KLRG1: variants seen among roughly 807,000 people sequenced by gnomAD.
The protein encoded by KLRG1 is killer cell lectin like receptor G1.
KLRG1 carries 16 observed loss-of-function variants against 21.8 expected under a neutral mutation model. The observed-to-expected ratio is 0.73, with a 90% CI of 0.50 to 1.11. The LOEUF is 1.11. Ranked by LOEUF, KLRG1 falls within the 50% of genes most tolerant of loss-of-function variation. The pLI, the probability that KLRG1 is intolerant of heterozygous loss-of-function variation, is 0.00. For synonymous variants in KLRG1, 69 were observed against 75.9 expected (o/e 0.91, Z 0.47); for missense variants, 173 against 218.3 (o/e 0.79, Z 1.31).
In KLRG1 at chr12:9,004,292, A is replaced by G. The variant is rs564902102; in HGVS notation, c.358-4683A>G. On this transcript the variant is annotated intron_variant, in intron 3 of 4. Coordinates refer to ENST00000356986, the MANE Select transcript of KLRG1 (RefSeq NM_005810.4). The stretch of plus-strand genomic sequence containing the variant: ...AGGAATGGCCACACTGACTTCCACA[A>G]TGGTTGAACTAGTTTACAGTCCCAC... Among the ~76,000 whole-genome samples the G allele has an allele frequency of 3.2e-3, 491 of 152,260 alleles. 2 individuals are homozygous for G. Among genetic ancestry groups the G allele is most frequent in the Non-Finnish European group, 5.2e-3 (353 of 67,992 alleles).
the KLRG1 span, chr12:9,074,531 G>A: frequency 1.9e-6 from 3 of 1,565,510 alleles, no homozygotes; most frequent in Non-Finnish European, 2.6e-6. Context: ...ACCTGAAGGT[G>A]AAATAAAAGG....
the KLRG1 span, chr12:9,098,648 C>T: frequency 4.3e-6 from 7 of 1,609,422 alleles, no homozygotes; most frequent in African/African-American, 5.3e-5. Flanking sequence ...ATGAGCAGCA[C>T]GCTTTGGTCC....
chr12:9,000,395 A>T (rs1947269820), intron 3 of KLRG1, among the ~76,000 whole-genome samples: 1 of 152,200 alleles, frequency 6.6e-6, no homozygotes, highest in Non-Finnish European at 1.5e-5. Context: ...TTTTTAACTT[A>T]AAAAATTGTG....
the KLRG1 span, chr12:9,077,495 T>C: frequency 6.7e-7 from 1 of 1,497,140 alleles, no homozygotes; most frequent in Non-Finnish European, 9.2e-7. Context: ...TATTCTGCTG[T>C]GTCATGGAAT....
At chr12:8,995,312 G>C in intron 3 of KLRG1, 24 bp downstream of exon 3, 1 of 1,587,256 alleles carries the variant, frequency 6.3e-7, no homozygotes, top group African/African-American at 1.4e-5. Flanking sequence ...TTTAGAAAAT[G>C]TAGGGTTTTT....
At chr12:9,169,428 A>C in the KLRG1 span, 8 of 1,588,436 alleles carry the variant, frequency 5.0e-6, no homozygotes, top group Non-Finnish European at 6.8e-6. Flanking sequence ...TGAGAATTTT[A>C]CCTTGAGGAA....
the KLRG1 span, among the ~76,000 whole-genome samples, chr12:9,103,836 G>T: frequency 6.6e-6 from 1 of 152,082 alleles, no homozygotes; most frequent in Non-Finnish European, 1.5e-5. Context: ...GGGTAGCCTC[G>T]ATCTCTCAGC....
At chr12:8,968,525 T>G (rs1002872035) in intron 1 of KLRG1, among the ~76,000 whole-genome samples, 1 of 152,212 alleles carries the variant, frequency 6.6e-6, no homozygotes, top group Non-Finnish European at 1.5e-5. Flanking sequence ...ATAATTATAG[T>G]TGGAGGTTTT....
At chr12:8,981,476 T>C (rs1946753533) in intron 1 of KLRG1, among the ~76,000 whole-genome samples, 2 of 152,188 alleles carry the variant, frequency 1.3e-5, no homozygotes, top group Non-Finnish European at 1.5e-5. Context: ...ATTTAAAATA[T>C]TTTAACGTTT....
chr12:9,116,399 C>T, the KLRG1 span, among the ~76,000 whole-genome samples: 22 of 152,236 alleles, frequency 1.4e-4, no homozygotes, highest in South Asian at 4.1e-3. Context: ...CGAATTAAAC[C>T]AGTAGCTTTT....
chr12:9,050,191 G>A, the KLRG1 span, among the ~76,000 whole-genome samples: 2 of 152,164 alleles, frequency 1.3e-5, no homozygotes, highest in South Asian at 2.1e-4. Context: ...CTCCCTAAGC[G>A]GTAAGAAATA....
the KLRG1 span, among the ~76,000 whole-genome samples, chr12:9,173,067 A>C: frequency 6.6e-6 from 1 of 152,248 alleles, no homozygotes; most frequent in Admixed American, 6.5e-5. Context: ...AATTGGACAC[A>C]TAATTGGAAG....
At chr12:9,116,905 C>A in the KLRG1 span, among the ~76,000 whole-genome samples, 1 of 135,646 alleles carries the variant, frequency 7.4e-6, no homozygotes, top group African/African-American at 2.9e-5. Flanking sequence ...GTATAAAATA[C>A]AATATAAAAC....
Position 8,973,533 on chromosome 12 carries a change from C to T in KLRG1, c.-155-18673C>T, listed in dbSNP as rs762439388. On this transcript the variant is annotated intron_variant, in intron 1 of 4. Coordinates refer to the KLRG1 transcript ENST00000539240. ...CATCTTGGAACAGAGACTGGGCCTT[C>T]ATCAGACATTGAACCTGTGCCTTGA... Among the ~76,000 whole-genome samples the T allele has an allele frequency of 2.6e-5, 4 of 152,316 alleles. No individual in the cohort carries two copies. In the South Asian group the frequency reaches 8.3e-4, roughly 32 times the overall value.
the KLRG1 span, among the ~76,000 whole-genome samples, chr12:9,103,949 A>G: frequency 2.0e-5 from 3 of 152,128 alleles, no homozygotes; most frequent in Non-Finnish European, 4.4e-5. Flanking sequence ...TTACTGGATC[A>G]TTTGGTAATT....
chr12:9,100,427 CTTATTTAT>C, the KLRG1 span, among the ~76,000 whole-genome samples: 65 of 151,644 alleles, frequency 4.3e-4, 1 homozygote, highest in East Asian at 9.6e-3. Flanking sequence ...CCCCTTTGTT[CTTATTTAT>C]TTATTTATTT....
chr12:9,005,877 T>C, intron 3 of KLRG1, among the ~76,000 whole-genome samples: 1 of 152,224 alleles, frequency 6.6e-6, no homozygotes, highest in Non-Finnish European at 1.5e-5. Flanking sequence ...ATGCCACCGC[T>C]GATCTGCTGA....
the KLRG1 span, chr12:9,200,892 C>G: frequency 6.2e-7 from 1 of 1,610,784 alleles, no homozygotes; most frequent in Non-Finnish European, 8.5e-7. Flanking sequence ...TAATCCATAC[C>G]AAATTCCTCC....
chr12:8,992,587 C>A (rs1188708799), intron 2 of KLRG1, among the ~76,000 whole-genome samples: 2 of 152,150 alleles, frequency 1.3e-5, no homozygotes, highest in Non-Finnish European at 2.9e-5. Context: ...TGCCACTGTA[C>A]AGTCACAGCT....
Sources: gnomAD v4.1 joint callset for allele counts (sites outside exome capture counted in the v4.1 genomes callset) on GRCh38, gnomAD v4.1.1 for gene constraint, MANE v1.5 for transcripts, NCBI Gene and HGNC (gene_info 2026-07-23, HGNC 2026-07-21) for gene names.